Variants in UBL3 observed in about 807,000 individuals in gnomAD.
The protein encoded by UBL3 is ubiquitin like 3.
In UBL3, 6 loss-of-function variants were observed where a neutral mutation model predicts 18.4. The observed-to-expected ratio is 0.33, with a 90% CI of 0.18 to 0.64. The LOEUF is 0.64. Ranked by LOEUF, UBL3 falls within the 30% of genes least tolerant of loss-of-function variation. The pLI, the probability that UBL3 is intolerant of heterozygous loss-of-function variation, is 0.76. For missense variants in UBL3, 109 were observed against 142.9 expected (o/e 0.76, Z 1.21); for synonymous variants, 49 against 46.6 (o/e 1.05, Z -0.21).
intron 1 of UBL3, among the ~76,000 whole-genome samples, chr13:29,787,241 A>G (rs1166200010): frequency 6.6e-6 from 1 of 152,170 alleles, no homozygotes; most frequent in Non-Finnish European, 1.5e-5. Flanking sequence ...CAGAATCAAA[A>G]TATAAAACTC....
intron 1 of UBL3, among the ~76,000 whole-genome samples, chr13:29,833,664 T>G (rs1878842911): frequency 6.6e-6 from 1 of 152,198 alleles, no homozygotes; most frequent in African/African-American, 2.4e-5. Context: ...TATTTAAAAC[T>G]GAACACAGAC....
chr13:29,849,039 C>G (rs1043287915), intron 1 of UBL3, among the ~76,000 whole-genome samples: 2 of 152,194 alleles, frequency 1.3e-5, no homozygotes, highest in Non-Finnish European at 2.9e-5. Flanking sequence ...CATACTTTTT[C>G]TTGAAGAGAT....
intron 2 of UBL3, among the ~76,000 whole-genome samples, chr13:29,774,155 GAT>G (rs1876919757): frequency 6.6e-6 from 1 of 152,206 alleles, no homozygotes; most frequent in African/African-American, 2.4e-5. Context: ...AACATCCACT[GAT>G]ACAATCAATA....
intron 2 of UBL3, among the ~76,000 whole-genome samples, chr13:29,776,353 C>A (rs1876992720): frequency 7.1e-6 from 1 of 141,830 alleles, no homozygotes; most frequent in African/African-American, 2.6e-5. Context: ...GCCTCAAATT[C>A]CTGGCCTCAA....
chr13:29,772,126 T>G lies in UBL3; in HGVS notation c.209A>C (p.Asn70Thr). Residue 70 changes from asparagine (N) to threonine (T), a missense_variant, in exon 3 of 5, where the codon AAT becomes ACT. By Grantham distance (65) the Asn-to-Thr change is moderately conservative. Coordinates refer to ENST00000380680, the MANE Select transcript of UBL3 (RefSeq NM_007106.4). ...GTGGCTGTTACCTCCTAATGTGACA[T>G]TTCCATGTAGAAATCGTCCTTGATA... ...LIYQGRFLHG[N>T]VTLGALKLPF... The G allele has an allele frequency of 1.9e-6, 3 of 1,611,640 alleles. No homozygotes were observed. Among genetic ancestry groups the G allele is most frequent in the Non-Finnish European group, 2.5e-6 (3 of 1,178,432 alleles).
intron 1 of UBL3, among the ~76,000 whole-genome samples, chr13:29,819,474 G>A (rs761961630): frequency 6.6e-6 from 1 of 152,162 alleles, no homozygotes; most frequent in Non-Finnish European, 1.5e-5. Flanking sequence ...TAAGGAGATT[G>A]TTACAATGGT....
intron 1 of UBL3, among the ~76,000 whole-genome samples, chr13:29,835,095 T>C (rs1466046420): frequency 1.5e-4 from 3 of 20,226 alleles, no homozygotes; most frequent in Non-Finnish European, 1.5e-4. Context: ...TATAAATATA[T>C]ATATATATAT....
intron 1 of UBL3, among the ~76,000 whole-genome samples, chr13:29,794,591 A>G (rs759230756): frequency 9.9e-5 from 15 of 152,204 alleles, no homozygotes; most frequent in Non-Finnish European, 1.5e-4. Context: ...ACCAGGTTTT[A>G]TTAATTTTTC....
At chr13:29,810,803 G>A (rs1453909882) in intron 1 of UBL3, among the ~76,000 whole-genome samples, 1 of 152,100 alleles carries the variant, frequency 6.6e-6, no homozygotes, top group African/African-American at 2.4e-5. Context: ...ACTCTGCTTA[G>A]GAAGAAGTAG....
At chr13:29,832,721 C>T (rs1260079339) in intron 1 of UBL3, among the ~76,000 whole-genome samples, 3 of 152,108 alleles carry the variant, frequency 2.0e-5, no homozygotes, top group Admixed American at 6.5e-5. Flanking sequence ...GCTGGCAATC[C>T]GTGATGGAAG....
chr13:29,773,813 T>C (rs1223634007), intron 2 of UBL3, among the ~76,000 whole-genome samples: 1 of 152,214 alleles, frequency 6.6e-6, no homozygotes. Context: ...AATAGCTATG[T>C]GTCTGACTAT....
At chr13:29,784,563 T>C (rs1028210175) in intron 1 of UBL3, among the ~76,000 whole-genome samples, 7 of 150,850 alleles carry the variant, frequency 4.6e-5, no homozygotes, top group Admixed American at 4.0e-4. Context: ...TTGCAAATCT[T>C]TGGAAAAAAA....
intron 2 of UBL3, among the ~76,000 whole-genome samples, chr13:29,776,869 C>CA (rs869080358): frequency 1.7e-3 from 106 of 62,734 alleles, no homozygotes; most frequent in African/African-American, 4.7e-3. Context: ...GACTCCATCT[C>CA]AAAAAAAAAA....
chr13:29,770,692 G>A (rs1876817935), intron 3 of UBL3, among the ~76,000 whole-genome samples: 1 of 151,864 alleles, frequency 6.6e-6, no homozygotes, highest in South Asian at 2.1e-4. Context: ...TCTTGTATGA[G>A]CCATGGAGAA....
At chr13:29,773,673 T>C (rs888997512) in intron 2 of UBL3, among the ~76,000 whole-genome samples, 4 of 152,162 alleles carry the variant, frequency 2.6e-5, no homozygotes, top group African/African-American at 7.2e-5. Context: ...TGGTGTAATA[T>C]GCTATCTCCC....
At chr13:29,787,981 C>T (rs951461654) in intron 1 of UBL3, among the ~76,000 whole-genome samples, 4 of 152,244 alleles carry the variant, frequency 2.6e-5, no homozygotes, top group Non-Finnish European at 4.4e-5. Flanking sequence ...TGTCCACCTC[C>T]CATTAGTGAC....
chr13:29,780,701 C>T (rs1327823304), intron 1 of UBL3, among the ~76,000 whole-genome samples: 2 of 151,972 alleles, frequency 1.3e-5, no homozygotes, highest in Non-Finnish European at 2.9e-5. Context: ...ACTAAGACTA[C>T]ATTTACCTAT....
At chr13:29,843,364 T>C (rs936267000) in intron 1 of UBL3, among the ~76,000 whole-genome samples, 3 of 152,220 alleles carry the variant, frequency 2.0e-5, no homozygotes, top group African/African-American at 7.2e-5. Context: ...CTAAAAATGC[T>C]ATTACTATTA....
chr13:29,823,293 C>G (rs1039714015), intron 1 of UBL3, among the ~76,000 whole-genome samples: 5 of 152,182 alleles, frequency 3.3e-5, no homozygotes, highest in Non-Finnish European at 7.3e-5. Flanking sequence ...CAGGCATGCG[C>G]CACCACGCCC....
Sources: allele counts gnomAD v4.1 joint callset (sites outside exome capture counted in the v4.1 genomes callset), GRCh38; gene constraint gnomAD v4.1.1; transcripts MANE v1.5; gene names NCBI Gene and HGNC (gene_info 2026-07-23, HGNC 2026-07-21).